The following COL11A2 variants were observed in gnomAD, a reference collection of about 807,000 sequenced individuals.
COL11A2 encodes the protein collagen alpha-2(XI) chain.
A neutral mutation model predicts 273.4 loss-of-function variants in COL11A2; 116 were observed. The observed-to-expected ratio is 0.42, with a 90% confidence interval of 0.36 to 0.49. COL11A2 has a LOEUF of 0.49. Ranked by LOEUF, COL11A2 falls within the 20% of genes least tolerant of loss-of-function variation. The pLI, the probability that COL11A2 is intolerant of heterozygous loss-of-function variation, is 0.00. For synonymous variants in COL11A2, 782 were observed against 864.2 expected (o/e 0.90, Z 1.67); for missense variants, 1,866 against 2,309.0 (o/e 0.81, Z 3.93).
intron 8 of COL11A2, among the ~76,000 whole-genome samples, chr6:33,182,245 G>C (rs573193274): frequency 5.6e-4 from 85 of 151,994 alleles, no homozygotes; most frequent in African/African-American, 2.0e-3. Context: ...TCGTACTCCA[G>C]CCTAGGCAAC....
chr6:33,177,224 C>T lies in COL11A2; in HGVS notation c.1973G>A (p.Gly658Asp). ...GATGGCACCCTGGGGCCCGGGAAGA[C>T]CCTACATACAGGGAAAGAGAAGTCA... ...PGQQGTPGTQ[G>D]LPGPQGAIGP... Residue 658 changes from glycine to aspartate, a missense_variant and splice_region_variant, in exon 24 of 66, where the codon GGT becomes GAT. Coordinates refer to ENST00000341947, the MANE Select transcript of COL11A2 (RefSeq NM_080680.3). The surrounding 1 kb of genome is among the most constrained non-coding windows in gnomAD (Gnocchi z 5.9). 6.2e-7 allele frequency: 1 copy of T among 1,613,064 alleles called. No individual in the cohort carries two copies.
Position 33,165,631 on chromosome 6 carries a change from C to T in COL11A2, c.4668G>A (p.Gln1556=). 6.2e-7 allele frequency: 1 copy of T among 1,613,252 alleles called. No homozygotes were observed. Among genetic ancestry groups the T allele is most frequent in the Non-Finnish European group, 8.5e-7 (1 of 1,180,026 alleles). The stretch of plus-strand genomic sequence containing the variant: ...CCTGGGTCCCTGTTGGCCGCCTCAT[C>T]TGCTCGATCTCCTCCCGCAGGGAGT... ...SLDSLREEIE[Q]MRRPTGTQDS... Residue 1556 remains glutamine, a synonymous_variant, in exon 63 of 66, where the codon CAG becomes CAA. Transcript: ENST00000341947. The surrounding 1 kb of genome is among the most constrained non-coding windows in gnomAD (Gnocchi z 7.7).
In COL11A2 at chr6:33,164,516, G is replaced by A. The variant is rs1023697846; in HGVS notation, c.4864-43C>T. ...GCTGGCCTCAGAGGGGGAGAGAGAG[G>A]GCTGGCCTCAGAGGGAGACAGAGAC... On this transcript the variant is annotated intron_variant, in intron 64 of 65. Transcript: ENST00000341947. This position sits in a 1 kb window ranked among gnomAD's most constrained non-coding sequence, Gnocchi z 4.7. 2 of 1,466,408 alleles carry A rather than the reference G, an allele frequency of 1.4e-6. No homozygotes were observed. The highest frequency in any genetic ancestry group is 2.8e-5 in the African/African-American group (2 of 70,988). The allele number at this position is 1,466,408 out of a possible 1,614,324, so 90.8% of individuals were successfully genotyped here. A position where few individuals can be genotyped will look rare whatever the true frequency, so the allele number is the denominator to read the frequency against.
chr6:33,165,001 A>G lies in COL11A2; in HGVS notation c.4751-37T>C. 1 of 1,495,880 alleles carries G rather than the reference A, an allele frequency of 6.7e-7. No homozygotes were observed. Among genetic ancestry groups the G allele is most frequent in the Middle Eastern group, 1.7e-4 (1 of 5,872 alleles). 92.7% of individuals were successfully genotyped at this position (1,495,880 alleles called of 1,614,324 possible). A position where few individuals can be genotyped will look rare whatever the true frequency, so the allele number is the denominator to read the frequency against. On this transcript the variant is annotated intron_variant, in intron 63 of 65. Coordinates refer to ENST00000341947, the MANE Select transcript of COL11A2 (RefSeq NM_080680.3). This position sits in a 1 kb window ranked among gnomAD's most constrained non-coding sequence, Gnocchi z 7.7. ...GGGAGAGGGGAGGTCAGGGCCACCT[A>G]GGTCCAGGCTCCAAGATGCTCTTTG... is the stretch of plus-strand genomic sequence containing the variant.
Position 33,164,327 on chromosome 6 carries a change from A to G in COL11A2, c.5010T>C (p.Asn1670=), listed in dbSNP as rs1177660448. 6.2e-7 allele frequency: 1 copy of G among 1,612,620 alleles called. No individual in the cohort carries two copies. The highest frequency in any genetic ancestry group is 8.5e-7 in the Non-Finnish European group (1 of 1,179,942). Residue 1670 remains asparagine (N), a synonymous_variant, in exon 65 of 66, where the codon AAT becomes AAC. Coordinates refer to ENST00000341947, the MANE Select transcript of COL11A2 (RefSeq NM_080680.3). This position sits in a 1 kb window ranked among gnomAD's most constrained non-coding sequence, Gnocchi z 4.7. ...RDGPLRLRGA[N]EDELSPETSP... The stretch of plus-strand genomic sequence containing the variant: ...TAGTCTCCGGGCTCAGCTCATCCTC[A>G]TTGGCCCCACGGAGTCTCAGGGGAC...
At chr6:33,188,565 C>G (rs992690744) in intron 3 of COL11A2, 41 bp from the exon 4 acceptor site, 6 of 1,612,200 alleles carry the variant, frequency 3.7e-6, no homozygotes, top group African/African-American at 1.3e-5. Context: ...TCTTGGCTGA[C>G]TGAAGTAGGG....
chr6:33,185,834 G>T (rs1441613745), intron 5 of COL11A2, 56 bp from the exon 6 acceptor site: 13 of 587,124 alleles, frequency 2.2e-5, no homozygotes, highest in Non-Finnish European at 4.1e-5. Context: ...GGAAGGTGTG[G>T]GGTGAAGGGC....
intron 29 of COL11A2, 127 bp from the exon 30 acceptor site, chr6:33,175,808 G>T: frequency 3.7e-6 from 4 of 1,089,514 alleles, no homozygotes; most frequent in Non-Finnish European, 5.6e-6. Context: ...AGGACAGGAA[G>T]CCCACAGGGT....
rs764248719 is a variant in COL11A2, at chr6:33,189,424, A to T, written c.128T>A (p.Leu43His). ...TTTCGCTCTCCGGACACCATCAGGGAGGGAGGGGAACCTCAGGGCCCGGAG... is the reference window on the plus strand; with the variant it reads ...TTTCGCTCTCCGGACACCATCAGGGTGGGAGGGGAACCTCAGGGCCCGGAG... ...DVLRALRFPS[L>H]PDGVRRAKGI... Residue 43 changes from leucine (L) to histidine (H), a missense_variant, in exon 2 of 66, where the codon CTC becomes CAC. Coordinates refer to ENST00000341947, the MANE Select transcript of COL11A2 (RefSeq NM_080680.3). The surrounding 1 kb of genome is among the most constrained non-coding windows in gnomAD (Gnocchi z 5.6). 6.2e-7 allele frequency: 1 copy of T among 1,613,110 alleles called. No individual in the cohort carries two copies. The highest frequency in any genetic ancestry group is 1.1e-5 in the South Asian group (1 of 91,086).
Position 33,179,821 on chromosome 6 carries a change from G to C in COL11A2, c.1360-16C>G. ...CAAACCGGAACTGAGGTCAAGGAGAGAAGGTCCAGGTTCTCTTCCAAGAAA... is the reference window on the plus strand; with the variant it reads ...CAAACCGGAACTGAGGTCAAGGAGACAAGGTCCAGGTTCTCTTCCAAGAAA... On this transcript the variant is annotated splice_polypyrimidine_tract_variant and intron_variant, in intron 12 of 65. Transcript: ENST00000341947. This position sits in a 1 kb window ranked among gnomAD's most constrained non-coding sequence, Gnocchi z 6.4. The C allele has an allele frequency of 6.2e-7, 1 of 1,605,692 alleles. No homozygotes were observed. Among genetic ancestry groups the C allele is most frequent in the Non-Finnish European group, 8.5e-7 (1 of 1,177,956 alleles).
rs944163816 is a variant in COL11A2 at position 33,166,514 on chromosome 6, G to A, written c.4391C>T (p.Pro1464Leu). 4 of 1,613,388 alleles carry A rather than the reference G, an allele frequency of 2.5e-6. No individual in the cohort carries two copies. Among genetic ancestry groups the A allele is most frequent in the Non-Finnish European group, 1.7e-6 (2 of 1,179,674 alleles). ...PIGPGGPPGL[P>L]GPAGPKGAKG... ...TGGAGGAACAGAGGCAGTACTCACG[G>A]GGAGGCCGGGGGGACCTCCAGGACC... Residue 1464 changes from proline to leucine, a missense_variant and splice_region_variant, in exon 60 of 66, where the codon CCC (proline) becomes CTC (leucine). Coordinates refer to ENST00000341947, the MANE Select transcript of COL11A2 (RefSeq NM_080680.3). The surrounding 1 kb of genome is among the most constrained non-coding windows in gnomAD (Gnocchi z 4.8).
In COL11A2 at chr6:33,166,200, C is replaced by T. The variant is rs779385536; in HGVS notation, c.4399G>A (p.Ala1467Thr). The T allele has an allele frequency of 3.1e-6, 5 of 1,601,284 alleles. No homozygotes were observed. In the African/African-American group the frequency reaches 5.3e-5, roughly 17 times the overall value. ...GCTCCTTTGGCTCCTTTGGGGCCAG[C>T]AGGTCCCTGTGAAATGAGGAACAAG... ...PGGPPGLPGP[A>T]GPKGAKGATG... The change falls in exon 61 of 66, where the codon GCT (alanine) becomes ACT (threonine). Residue 1467 changes from alanine (A) to threonine (T), a missense_variant. Transcript: ENST00000341947. This position sits in a 1 kb window ranked among gnomAD's most constrained non-coding sequence, Gnocchi z 4.8.
Position 33,166,958 on chromosome 6 carries a change from T to G in COL11A2, c.4230+112A>C. 2 of 1,537,530 alleles carry G rather than the reference T, an allele frequency of 1.3e-6. No individual in the cohort carries two copies. The highest frequency in any genetic ancestry group is 1.8e-6 in the Non-Finnish European group (2 of 1,123,234). On this transcript the variant is annotated intron_variant, in intron 58 of 65. Transcript: ENST00000341947. This position sits in a 1 kb window ranked among gnomAD's most constrained non-coding sequence, Gnocchi z 4.8. ...TGGCCCTCACTGAGCAGGGACTCCCTGGGACTGGCTGCCGGAGGCCTGAAG... is the reference window on the plus strand; with the variant it reads ...TGGCCCTCACTGAGCAGGGACTCCCGGGGACTGGCTGCCGGAGGCCTGAAG...
chr6:33,176,067 A>G lies in COL11A2; in HGVS notation c.2217T>C (p.Gly739=). Residue 739 remains glycine (G), a splice_region_variant and synonymous_variant, in exon 29 of 66, where the codon GGT becomes GGC. Transcript: ENST00000341947. This position sits in a 1 kb window ranked among gnomAD's most constrained non-coding sequence, Gnocchi z 4.9. ...RGLKGHKGEK[G]EDGFPGFKGD... ...CTTTGAACCCAGGAAAGCCATCCTCACCCTGAGAAAGATAGAGGTGAGAGG... is the reference window on the plus strand; with the variant it reads ...CTTTGAACCCAGGAAAGCCATCCTCGCCCTGAGAAAGATAGAGGTGAGAGG... The G allele has an allele frequency of 1.9e-6, 3 of 1,612,932 alleles. No homozygotes were observed. The highest frequency in any genetic ancestry group is 2.5e-6 in the Non-Finnish European group (3 of 1,179,980).
chr6:33,175,051 A>G (rs1770702315), intron 30 of COL11A2, among the ~76,000 whole-genome samples: 1 of 152,222 alleles, frequency 6.6e-6, no homozygotes, highest in South Asian at 2.1e-4. Context: ...GCTTAGAAGC[A>G]GAGATTCTGA....
At chr6:33,175,948 G>C in intron 29 of COL11A2, 68 bp downstream of exon 29, 1 of 1,567,570 alleles carries the variant, frequency 6.4e-7, no homozygotes, top group Non-Finnish European at 8.8e-7. Context: ...ATAAACCGGT[G>C]CTTGGCGTCT....
intron 39 of COL11A2, 30 bp from the exon 40 acceptor site, chr6:33,172,408 A>G (rs1336722723): frequency 6.4e-7 from 1 of 1,567,206 alleles, no homozygotes; most frequent in Non-Finnish European, 8.7e-7. Flanking sequence ...GATGAGCCAC[A>G]GCCATGCTCC....
At position 33,169,159 on chromosome 6, in the gene COL11A2, G is replaced by A. The variant is rs925358940; in HGVS notation, c.3799-151C>T. 1 of 792,792 alleles carries A rather than the reference G, an allele frequency of 1.3e-6. No homozygotes were observed. The highest frequency in any genetic ancestry group is 2.0e-6 in the Non-Finnish European group (1 of 490,018). The allele number at this position is 792,792 out of a possible 1,614,324, so 49.1% of individuals were successfully genotyped here. ...TCCTGCACCCCTTTCCCTACCACGTGCACTGCGTGTTGTCTAATTCCTCAA... is the reference window on the plus strand; with the variant it reads ...TCCTGCACCCCTTTCCCTACCACGTACACTGCGTGTTGTCTAATTCCTCAA... On this transcript the variant is annotated intron_variant, in intron 51 of 65. Coordinates refer to ENST00000341947, the MANE Select transcript of COL11A2 (RefSeq NM_080680.3). The surrounding 1 kb of genome is among the most constrained non-coding windows in gnomAD (Gnocchi z 5.5).
In COL11A2 at chr6:33,192,454, T is replaced by C; in HGVS notation, c.-214A>G. 3.4e-6 allele frequency: 2 copies of C among 594,086 alleles called. No individual in the cohort carries two copies. Among genetic ancestry groups the C allele is most frequent in the South Asian group, 4.0e-5 (2 of 50,578 alleles). The allele number at this position is 594,086 out of a possible 1,614,324, so 36.8% of individuals were successfully genotyped here. A position where few individuals can be genotyped will look rare whatever the true frequency, so the allele number is the denominator to read the frequency against. On this transcript the variant is annotated 5_prime_UTR_variant, in exon 1 of 66. Transcript: ENST00000341947. ...CCGGCACTGCTCCCTCCTCGGTGGC[T>C]GCCGCTTCTGTGTGTCCCCGGCCAC... is the stretch of plus-strand genomic sequence containing the variant.
Sources: gnomAD v4.1 joint callset for allele counts (sites outside exome capture counted in the v4.1 genomes callset) on GRCh38, gnomAD v4.1.1 for gene constraint, Gnocchi (gnomAD v3.1) non-coding constraint, MANE v1.5 for transcripts, NCBI Gene and HGNC (gene_info 2026-07-23, HGNC 2026-07-21) for gene names.